Variants in ATP10B observed in about 807,000 individuals in gnomAD.
The protein encoded by ATP10B is phospholipid-transporting ATPase VB.
ATP10B carries 122 observed loss-of-function variants against 141.2 expected under a neutral mutation model. That is an observed-to-expected ratio of 0.86 (90% CI 0.75 to 1.00). The LOEUF (loss-of-function observed/expected upper bound fraction) is 1.00. ATP10B is among the 50% of genes least tolerant of loss of function. The pLI is 0.00. For missense variants in ATP10B, 1,876 were observed against 1,825.3 expected, an observed-to-expected ratio of 1.03 and a Z score of -0.51; for synonymous variants, 685 against 692.0, an observed-to-expected ratio of 0.99 and a Z score of 0.16.
chr5:160,569,229 G>A (rs1307673662), intron 25 of ATP10B, among the ~76,000 whole-genome samples: 1 of 152,200 alleles, frequency 6.6e-6, no homozygotes, highest in Non-Finnish European at 1.5e-5. Context: ...CAGGAGGGTA[G>A]GAATTGATAC....
intron 18 of ATP10B, among the ~76,000 whole-genome samples, chr5:160,608,202 A>G (rs540694731): frequency 6.6e-6 from 1 of 151,868 alleles, no homozygotes; most frequent in Admixed American, 6.6e-5. Flanking sequence ...TCCTTGTGAT[A>G]GTTTGCTGAG....
chr5:160,799,240 C>T (rs1008960499), intron 1 of ATP10B, among the ~76,000 whole-genome samples: 1 of 152,208 alleles, frequency 6.6e-6, no homozygotes, highest in African/African-American at 2.4e-5. Flanking sequence ...TTTGCAGTGT[C>T]CTCCACCATG....
intron 2 of ATP10B, among the ~76,000 whole-genome samples, chr5:160,780,561 C>T (rs1770647802): frequency 6.6e-6 from 1 of 152,140 alleles, no homozygotes; most frequent in Admixed American, 6.5e-5. Context: ...TCTATCTGTG[C>T]ATCTCATTGG....
At chr5:160,785,838 A>G (rs2127894886) in intron 1 of ATP10B, 35 bp from the exon 2 acceptor site, 2 of 333,212 alleles carry the variant, frequency 6.0e-6, no homozygotes, top group Non-Finnish European at 1.1e-5. Flanking sequence ...AATACAAAAT[A>G]TACAATCTCA....
chr5:160,803,462 G>A (rs577283173), intron 1 of ATP10B, among the ~76,000 whole-genome samples: 1 of 152,132 alleles, frequency 6.6e-6, no homozygotes, highest in Non-Finnish European at 1.5e-5. Context: ...CAGATCACAA[G>A]GTCAGGAGTT....
At chr5:160,763,036 C>G (rs1040697308) in intron 2 of ATP10B, among the ~76,000 whole-genome samples, 12 of 150,952 alleles carry the variant, frequency 7.9e-5, no homozygotes, top group Non-Finnish European at 1.6e-4. Flanking sequence ...TATATATGCA[C>G]CTAATACTGG....
intron 3 of ATP10B, among the ~76,000 whole-genome samples, chr5:160,706,298 C>T (rs1438143883): frequency 6.6e-6 from 1 of 152,112 alleles, no homozygotes; most frequent in East Asian, 1.9e-4. Flanking sequence ...TTGCTGCAAA[C>T]CTTCAATTTG....
rs114824684 is a variant in ATP10B at position 160,738,608 on chromosome 5, C to A, written c.-330-21574G>T. Among the ~76,000 whole-genome samples, 467 of 152,118 alleles carry A rather than the reference C, an allele frequency of 3.1e-3. 1 individual carries two copies. Among genetic ancestry groups the A allele is most frequent in the African/African-American group, 0.011 (448 of 41,526 alleles). ...AAGGATAATAAAGGAACATTATGAA[C>A]AACTTTATGCAATAAATTTGACAAC... is the stretch of plus-strand genomic sequence containing the variant. On this transcript the variant is annotated intron_variant, in intron 2 of 25. Transcript: ENST00000327245.
intron 12 of ATP10B, chr5:160,632,790 C>A (rs765056679): frequency 6.3e-6 from 1 of 157,956 alleles, no homozygotes; most frequent in Non-Finnish European, 1.4e-5. Flanking sequence ...ATCACCATGG[C>A]AAAGGGGATA....
chr5:160,875,363 C>T, the ATP10B span, among the ~76,000 whole-genome samples: 1 of 98,286 alleles, frequency 1.0e-5, no homozygotes, highest in Admixed American at 1.0e-4. Flanking sequence ...CAGGCCTGCT[C>T]TAAAAGAGCT....
Position 160,565,884 on chromosome 5 carries a change from G to C in ATP10B, c.3955C>G (p.Leu1319Val). 1 of 1,609,334 alleles carries C rather than the reference G, an allele frequency of 6.2e-7. No individual in the cohort carries two copies. The highest frequency in any genetic ancestry group is 8.5e-7 in the Non-Finnish European group (1 of 1,178,644). Residue 1319 changes from leucine to valine, a missense_variant, in exon 26 of 26, where the codon CTG (leucine) becomes GTG (valine). Leu to Val is a conservative substitution (Grantham distance 32). Coordinates refer to ENST00000327245, the MANE Select transcript of ATP10B (RefSeq NM_025153.3). Reference sequence around the variant, plus strand: ...AGAGACTTCCCACAAGTTCCTTGCAGAGACAGGAAAAAGTATCTGGTGGGA... The same window carrying C: ...AGAGACTTCCCACAAGTTCCTTGCACAGACAGGAAAAAGTATCTGGTGGGA... ...ALLPRYFFLS[L>V]QGTCGKSLIS... is the part of the protein sequence containing the mutation.
the ATP10B span, among the ~76,000 whole-genome samples, chr5:160,910,323 A>G: frequency 3.9e-5 from 6 of 152,152 alleles, no homozygotes; most frequent in African/African-American, 7.2e-5. Context: ...CACTTGTTTC[A>G]TATTATTCAT....
chr5:160,615,718 G>A (rs1757957238), intron 17 of ATP10B, 120 bp downstream of exon 17: 6 of 1,299,892 alleles, frequency 4.6e-6, no homozygotes, highest in African/African-American at 1.5e-5. Context: ...TACCTGGAAG[G>A]GAACCCCAGG....
At chr5:160,599,963 C>T (rs1756994049) in intron 21 of ATP10B, among the ~76,000 whole-genome samples, 1 of 152,158 alleles carries the variant, frequency 6.6e-6, no homozygotes, top group Non-Finnish European at 1.5e-5. Context: ...TATTTCTGAA[C>T]TGCTGGGTCA....
At position 160,785,792 on chromosome 5, in the gene ATP10B, G is replaced by T. The variant is rs1043729683; in HGVS notation, c.-564C>A. 18 of 685,672 alleles carry T rather than the reference G, an allele frequency of 2.6e-5. No homozygotes were observed. Among genetic ancestry groups the T allele is most frequent in the African/African-American group, 3.8e-5 (2 of 52,480 alleles). The allele number at this position is 685,672 out of a possible 1,614,324, so 42.5% of individuals were successfully genotyped here. A position where few individuals can be genotyped will look rare whatever the true frequency, so the allele number is the denominator to read the frequency against. On this transcript the variant is annotated 5_prime_UTR_variant, in exon 2 of 26. Coordinates refer to ENST00000327245, the MANE Select transcript of ATP10B (RefSeq NM_025153.3). ...GTCACCAGTCGGTTCTGATTCTCTT[G>T]TCAAAGGAAGCCTGCACGACACAGG...
chr5:160,842,299 G>A (rs1038605626), intron 1 of ATP10B, among the ~76,000 whole-genome samples: 18 of 151,930 alleles, frequency 1.2e-4, no homozygotes, highest in Non-Finnish European at 2.5e-4. Context: ...ATGAATATAC[G>A]GCATATCAAA....
chr5:160,893,320 A>G, the ATP10B span, among the ~76,000 whole-genome samples: 1 of 152,198 alleles, frequency 6.6e-6, no homozygotes, highest in African/African-American at 2.4e-5. Flanking sequence ...CTGCTAGCAC[A>G]GCAGTCTGAA....
chr5:160,803,056 C>T (rs1022197243), intron 1 of ATP10B, among the ~76,000 whole-genome samples: 9 of 152,188 alleles, frequency 5.9e-5, no homozygotes, highest in Non-Finnish European at 1.2e-4. Flanking sequence ...GGGCTTTCTC[C>T]GTGACATGCT....
chr5:160,678,636 T>TCAAAA (rs1452100883), intron 6 of ATP10B, among the ~76,000 whole-genome samples: 2 of 152,094 alleles, frequency 1.3e-5, no homozygotes, highest in Admixed American at 6.6e-5. Flanking sequence ...CAGCCTGGGC[T>TCAAAA]CAAAACAAAA....
Sources: gnomAD v4.1 joint callset for allele counts (sites outside exome capture counted in the v4.1 genomes callset) on GRCh38, gnomAD v4.1.1 for gene constraint, MANE v1.5 for transcripts, NCBI Gene and HGNC (gene_info 2026-07-23, HGNC 2026-07-21) for gene names.